The following PXDN variants were observed in gnomAD, a reference collection of about 807,000 sequenced individuals.
PXDN encodes the protein peroxidasin homolog.
In PXDN, 77 loss-of-function variants were observed where a neutral mutation model predicts 140.3. The ratio of observed to expected loss-of-function variants is 0.55; its 90% CI spans 0.46 to 0.66. The LOEUF (loss-of-function observed/expected upper bound fraction) is 0.66. Among genes scored for constraint, PXDN ranks in the 30% least tolerant of loss-of-function variants. The pLI is 0.00. For missense variants in PXDN, 1,838 were observed against 2,039.5 expected (o/e 0.90, Z 1.90); for synonymous variants, 911 against 857.4 (o/e 1.06, Z -1.09).
rs1682427949 is a variant in PXDN at position 1,632,214 on chromosome 2, C to T, written c.*1990G>A. The T allele has an allele frequency of 6.6e-6, 1 of 152,148 alleles. No individual in the cohort carries two copies. Among genetic ancestry groups the T allele is most frequent in the East Asian group, 1.9e-4 (1 of 5,176 alleles). The allele number at this position is 152,148 out of a possible 1,614,324, so 9.4% of individuals were successfully genotyped here. On this transcript the variant is annotated 3_prime_UTR_variant, in exon 23 of 23. Transcript: ENST00000252804. This position sits in a 1 kb window ranked among gnomAD's most constrained non-coding sequence, Gnocchi z 4.3. ...CCCTTTGGCTTAGACAACACAATTC[C>T]TTGTGACTGGCCCAGACCGCACATT...
At chr2:1,676,637 G>T in intron 8 of PXDN, 1 of 469,740 alleles carries the variant, frequency 2.1e-6, no homozygotes, top group Non-Finnish European at 3.9e-6. Context: ...CAACCAGCAT[G>T]CTCTCCCTCC....
intron 1 of PXDN, among the ~76,000 whole-genome samples, chr2:1,742,368 T>G (rs10200618): frequency 0.34 from 51,407 of 152,012 alleles, 9,721 homozygotes; most frequent in East Asian, 0.58. Flanking sequence ...CCCTGAAAGT[T>G]TAAGATAGAA....
intron 3 of PXDN, among the ~76,000 whole-genome samples, chr2:1,688,756 T>C (rs372561648): frequency 6.6e-6 from 1 of 152,054 alleles, no homozygotes; most frequent in Admixed American, 6.6e-5. Context: ...GGCAGACACG[T>C]CTCTTCAAAA....
chr2:1,720,717 C>CTCTCTGCATCTCTT lies in PXDN; in HGVS notation c.200+23538_200+23539insAAGAGATGCAGAGA, dbSNP rs1558526260. On this transcript the variant is annotated intron_variant, in intron 1 of 22. Transcript: ENST00000252804. Reference sequence around the variant, plus strand: ...TCTCTCTGCATCTCTTTCTCTCTCTCTCTCTCTCACACACACACACACACA... The same window carrying CTCTCTGCATCTCTT: ...TCTCTCTGCATCTCTTTCTCTCTCTCTCTCTGCATCTCTTTCTCTCTCACACACACACACACACA... Among the ~76,000 whole-genome samples the CTCTCTGCATCTCTT allele has an allele frequency of 3.0e-4, 25 of 82,342 alleles. No homozygotes were observed. In the East Asian group the frequency reaches 0.012, roughly 40 times the overall value. The allele number at this position is 82,342 out of a possible 152,430, so 54.0% of individuals were successfully genotyped here. A position where few individuals can be genotyped will look rare whatever the true frequency, so the allele number is the denominator to read the frequency against.
chr2:1,672,795 A>G (rs1210347086), intron 9 of PXDN, among the ~76,000 whole-genome samples: 1 of 152,252 alleles, frequency 6.6e-6, no homozygotes, highest in East Asian at 1.9e-4. Context: ...TTTTATAACC[A>G]TAATGGCCTG....
At chr2:1,698,193 A>T (rs1328263688) in intron 1 of PXDN, among the ~76,000 whole-genome samples, 1 of 152,224 alleles carries the variant, frequency 6.6e-6, no homozygotes, top group East Asian at 1.9e-4. Context: ...TTTGTGTGTG[A>T]AAAGTCCTTC....
intron 19 of PXDN, among the ~76,000 whole-genome samples, chr2:1,640,910 C>G (rs989588415): frequency 2.0e-5 from 3 of 152,188 alleles, no homozygotes; most frequent in Non-Finnish European, 4.4e-5. Flanking sequence ...AACCCCAGAA[C>G]TCTTTGATGG....
chr2:1,727,268 C>A (rs1685208700), intron 1 of PXDN, among the ~76,000 whole-genome samples: 1 of 152,228 alleles, frequency 6.6e-6, no homozygotes, highest in Non-Finnish European at 1.5e-5. Context: ...TCCTCCTGAG[C>A]CTTGGACCAG....
rs560064091 is a variant in PXDN, at chr2:1,679,696, G to C, written c.730+497C>G. Among the ~76,000 whole-genome samples the C allele has an allele frequency of 4.8e-5, 7 of 145,202 alleles. No homozygotes were observed. The East Asian group carries it at 1.5e-3, about 30-fold the overall frequency. On this transcript the variant is annotated intron_variant, in intron 7 of 22. Coordinates refer to ENST00000252804, the MANE Select transcript of PXDN (RefSeq NM_012293.3). Reference sequence around the variant, plus strand: ...TGGATGGCACATGTGTGTGGTCTGTGTCTGCATGTGTGTCTATAAATGCTG... The same window carrying C: ...TGGATGGCACATGTGTGTGGTCTGTCTCTGCATGTGTGTCTATAAATGCTG...
rs532633040 is a variant in PXDN, at chr2:1,635,482, C to T, written c.4246G>A (p.Val1416Met). The change falls in exon 22 of 23, where the codon GTG becomes ATG. Residue 1416 changes from valine (V) to methionine (M), a missense_variant. Coordinates refer to ENST00000252804, the MANE Select transcript of PXDN (RefSeq NM_012293.3). ...GCGTGAGATTCGCCCCCGGCATCCACGCACTCTGTGGTACTGAGCCGTGAT... is the reference window on the plus strand; with the variant it reads ...GCGTGAGATTCGCCCCCGGCATCCATGCACTCTGTGGTACTGAGCCGTGAT... ...LESRLSTTECVDAGGESHANN... is the reference protein window; with the variant it reads ...LESRLSTTECMDAGGESHANN... 34 of 1,600,272 alleles carry T rather than the reference C, an allele frequency of 2.1e-5. No homozygotes were observed. The East Asian group carries it at 5.4e-4, about 25-fold the overall frequency.
chr2:1,713,618 G>A (rs1684831925), intron 1 of PXDN, among the ~76,000 whole-genome samples: 1 of 152,226 alleles, frequency 6.6e-6, no homozygotes, highest in Non-Finnish European at 1.5e-5. Flanking sequence ...CCGCATAGGG[G>A]CTGTACCTCC....
intron 1 of PXDN, among the ~76,000 whole-genome samples, chr2:1,694,623 C>T (rs965592003): frequency 6.6e-6 from 1 of 152,220 alleles, no homozygotes; most frequent in African/African-American, 2.4e-5. Context: ...CACGCACCCT[C>T]CCCCTGCACC....
At chr2:1,678,825 G>A (rs1220530321) in intron 7 of PXDN, among the ~76,000 whole-genome samples, 1 of 152,150 alleles carries the variant, frequency 6.6e-6, no homozygotes, top group Non-Finnish European at 1.5e-5. Context: ...GCGGAGTCTG[G>A]GTCCGGGGTG....
chr2:1,722,251 A>T (rs185458939), intron 1 of PXDN, among the ~76,000 whole-genome samples: 1 of 152,302 alleles, frequency 6.6e-6, no homozygotes, highest in African/African-American at 2.4e-5. Flanking sequence ...TCTTCACTTT[A>T]CCTCAGGTTA....
intron 8 of PXDN, among the ~76,000 whole-genome samples, chr2:1,674,232 C>G (rs1453224369): frequency 6.6e-6 from 1 of 152,210 alleles, no homozygotes; most frequent in Non-Finnish European, 1.5e-5. Flanking sequence ...ATTTTAGAGA[C>G]AGAGTCTCAC....
rs555958861 is a variant in PXDN at position 1,648,885 on chromosome 2, C to T, written c.2895G>A (p.Glu965=). 6.2e-7 allele frequency: 1 copy of T among 1,601,936 alleles called. No individual in the cohort carries two copies. Among genetic ancestry groups the T allele is most frequent in the Non-Finnish European group, 8.5e-7 (1 of 1,177,200 alleles). Reference sequence around the variant, plus strand: ...CGGCCAGGAAGCAGGGGATGGGGCTCTCGTTCTCGTCCCGCATGCACTCCG... The same window carrying T: ...CGGCCAGGAAGCAGGGGATGGGGCTTTCGTTCTCGTCCCGCATGCACTCCG... ...PPTECMRDEN[E]SPIPCFLAGD... The change falls in exon 17 of 23, where the codon GAG becomes GAA. Residue 965 remains glutamate (E), a synonymous_variant. Coordinates refer to ENST00000252804, the MANE Select transcript of PXDN (RefSeq NM_012293.3). This position sits in a 1 kb window ranked among gnomAD's most constrained non-coding sequence, Gnocchi z 8.9.
At chr2:1,705,904 G>A (rs181839116) in intron 1 of PXDN, among the ~76,000 whole-genome samples, 10 of 152,234 alleles carry the variant, frequency 6.6e-5, no homozygotes, top group Admixed American at 3.3e-4. Flanking sequence ...AGAGTTTCCC[G>A]CGTGGAGTGT....
At chr2:1,744,542 A>T (rs1685647402), upstream of PXDN, 2 of 1,144,334 alleles carry the variant, frequency 1.7e-6, no homozygotes, top group South Asian at 7.4e-5. Flanking sequence ...CCCACGTCCC[A>T]GCTGTGCGCG....
chr2:1,664,268 G>A (rs1226977161), intron 11 of PXDN: 2 of 160,074 alleles, frequency 1.2e-5, no homozygotes, highest in South Asian at 1.8e-4. Flanking sequence ...AGGGCTGAAG[G>A]GATGGGCTGG....
Sources: allele counts gnomAD v4.1 joint callset (sites outside exome capture counted in the v4.1 genomes callset), GRCh38; gene constraint gnomAD v4.1.1; non-coding constraint Gnocchi (gnomAD v3.1); transcripts MANE v1.5; gene names NCBI Gene and HGNC (gene_info 2026-07-23, HGNC 2026-07-21).